The following PLSCR3 variants were observed in gnomAD, a reference collection of about 807,000 sequenced individuals.
PLSCR3 encodes the protein phospholipid scramblase 3, also known as PL scramblase 3.
Under a neutral mutation model 33.7 loss-of-function variants are expected in PLSCR3, and 17 were observed. That is an observed-to-expected ratio of 0.50 (90% CI 0.35 to 0.76). The LOEUF (loss-of-function observed/expected upper bound fraction) is 0.76, where lower values mean the gene tolerates loss of function less well. Among genes scored for constraint, PLSCR3 ranks in the 30% least tolerant of loss-of-function variants. The pLI is 0.01. For missense variants in PLSCR3, 360 were observed against 394.1 expected (o/e 0.91, Z 0.73); for synonymous variants, 166 against 166.0 (o/e 1.00, Z 0.00).
Position 7,393,489 on chromosome 17 carries a change from G to A in PLSCR3, c.264C>T (p.His88=), listed in dbSNP as rs747834729. ...FLVQIDQILI[H]QKAERVETFL... ...TACTTTCCACTCGCTCAGCCTTCTG[G>A]TGAATCAAAATCTGATCAATCTGGA... Residue 88 remains histidine, a synonymous_variant, in exon 4 of 8, where the codon CAC becomes CAT. Transcript: ENST00000619711. The A allele has an allele frequency of 6.2e-7, 1 of 1,614,118 alleles. No individual in the cohort carries two copies. The highest frequency in any genetic ancestry group is 2.2e-5 in the East Asian group (1 of 44,878).
chr17:7,390,550 C>CA (rs1905587735), intron 7 of PLSCR3, 84 bp downstream of exon 7: 1 of 1,582,914 alleles, frequency 6.3e-7, no homozygotes, highest in South Asian at 1.1e-5. Context: ...CTGACTTTCC[C>CA]CTAGCAAGAG....
At chr17:7,393,031 A>G in intron 5 of PLSCR3, 79 bp from the exon 6 acceptor site, 1 of 1,520,362 alleles carries the variant, frequency 6.6e-7, no homozygotes, top group Non-Finnish European at 8.9e-7. Context: ...CCCTCACTAA[A>G]CCTCCCATCC....
Position 7,390,302 on chromosome 17 carries a change from G to A in PLSCR3, c.*83C>T. 1 of 1,103,028 alleles carries A rather than the reference G, an allele frequency of 9.1e-7. No individual in the cohort carries two copies. The highest frequency in any genetic ancestry group is 1.3e-6 in the Non-Finnish European group (1 of 769,650). The allele number at this position is 1,103,028 out of a possible 1,614,324, so 68.3% of individuals were successfully genotyped here. A position where few individuals can be genotyped will look rare whatever the true frequency, so the allele number is the denominator to read the frequency against. On this transcript the variant is annotated 3_prime_UTR_variant, in exon 8 of 8. Transcript: ENST00000619711. ...TCCCCTGCAGTGTACATGGAGGAAA[G>A]GGGCTGCCCAGAGGAGGGGCCAGGG...
chr17:7,393,112 G>GCCCCCCCCCCCCCCCCCCCCCCCCCCC, intron 5 of PLSCR3, 32 bp downstream of exon 5: 1 of 1,256,054 alleles, frequency 8.0e-7, no homozygotes, highest in Non-Finnish European at 1.1e-6. Context: ...CCCCACCAAG[G>GCCCCCCCCCCCCCCCCCCCCCCCCCCC]CCCGCCCTCC....
chr17:7,393,144 C>T lies in PLSCR3; in HGVS notation c.507G>A (p.Glu169=), dbSNP rs1236232600. The change falls in exon 5 of 8, where the codon GAG becomes GAA. Residue 169 remains glutamate, a splice_region_variant and synonymous_variant. Transcript: ENST00000619711. The stretch of plus-strand genomic sequence containing the variant: ...CTCCCGGCCCCCTCCCTCCGCCCAC[C>T]TCCTGGAGGCCACAGGGGCAGCAGC... ...GCSCCPCGLQ[E]MEVQAPPGTT... is the part of the protein sequence containing the mutation. 2 of 1,461,412 alleles carry T rather than the reference C, an allele frequency of 1.4e-6. No homozygotes were observed. The highest frequency in any genetic ancestry group is 9.0e-7 in the Non-Finnish European group (1 of 1,115,726). The allele number at this position is 1,461,412 out of a possible 1,614,324, so 90.5% of individuals were successfully genotyped here.
chr17:7,391,164 C>T lies in PLSCR3; in HGVS notation c.670-369G>A, dbSNP rs79592274. 9.9e-5 allele frequency among the ~76,000 whole-genome samples: 15 copies of T among 152,280 alleles called. No homozygotes were observed. The East Asian group carries it at 2.9e-3, about 29-fold the overall frequency. Reference sequence around the variant, plus strand: ...TAGGTTTGCTCTGGTTCCCAATGCCCCTGCCACCCACAATTGGCACAGCTT... The same window carrying T: ...TAGGTTTGCTCTGGTTCCCAATGCCTCTGCCACCCACAATTGGCACAGCTT... On this transcript the variant is annotated intron_variant, in intron 6 of 7. Transcript: ENST00000619711. This position sits in a 1 kb window ranked among gnomAD's most constrained non-coding sequence, Gnocchi z 4.1.
In PLSCR3 at chr17:7,391,752, TG is replaced by T. The variant is rs1202614331; in HGVS notation, c.670-958del. Among the ~76,000 whole-genome samples the T allele has an allele frequency of 3.3e-5, 5 of 152,230 alleles. No individual in the cohort carries two copies. The highest frequency in any genetic ancestry group is 1.2e-4 in the African/African-American group (5 of 41,528). On this transcript the variant is annotated intron_variant, in intron 6 of 7. Transcript: ENST00000619711. The surrounding 1 kb of genome is among the most constrained non-coding windows in gnomAD (Gnocchi z 4.1). ...TCTTATTCCCAATTGGTTCTCATCATGGAATCTCCCTCTGGCTACCAAGGTG... is the reference window on the plus strand; with the variant it reads ...TCTTATTCCCAATTGGTTCTCATCATGAATCTCCCTCTGGCTACCAAGGTG...
intron 6 of PLSCR3, among the ~76,000 whole-genome samples, chr17:7,392,014 C>A (rs1034232830): frequency 6.6e-6 from 1 of 152,072 alleles, no homozygotes; most frequent in Non-Finnish European, 1.5e-5. Flanking sequence ...GGAGAAACCT[C>A]GTCTCTACTA....
Position 7,394,352 on chromosome 17 carries a change from C to A in PLSCR3, c.-157-85G>T. On this transcript the variant is annotated intron_variant, in intron 1 of 7. Transcript: ENST00000619711. The surrounding 1 kb of genome is among the most constrained non-coding windows in gnomAD (Gnocchi z 5.3). ...TCCCTCGGGGGCCCCAGAACCGCCC[C>A]CTCCCTTTGTTCTCCCATCCTGCGG... The A allele has an allele frequency of 2.0e-6, 1 of 499,910 alleles. No homozygotes were observed. Among genetic ancestry groups the A allele is most frequent in the East Asian group, 3.2e-5 (1 of 31,292 alleles). 31.0% of individuals were successfully genotyped at this position (499,910 alleles called of 1,614,324 possible).
At position 7,390,798 on chromosome 17, in the gene PLSCR3, G is replaced by T; in HGVS notation, c.670-3C>A. 1.9e-6 allele frequency: 3 copies of T among 1,613,892 alleles called. No individual in the cohort carries two copies. The Admixed American group carries it at 5.0e-5, about 27-fold the overall frequency. On this transcript the variant is annotated splice_region_variant and splice_polypyrimidine_tract_variant and intron_variant, in intron 6 of 7. Transcript: ENST00000619711. ...CGGGATTCATCCCGAGTCTTCACCT[G>T]TCATCAGGGAGGGAGAAAGGACCCA... is the stretch of plus-strand genomic sequence containing the variant.
chr17:7,394,119 G>T lies in PLSCR3; in HGVS notation c.-9C>A. On this transcript the variant is annotated 5_prime_UTR_variant, in exon 2 of 8. Coordinates refer to ENST00000619711, the MANE Select transcript of PLSCR3 (RefSeq NM_020360.4). The surrounding 1 kb of genome is among the most constrained non-coding windows in gnomAD (Gnocchi z 5.3). ...GCGCACTTACCTGCCATGGGAGAAG[G>T]GCTGGGGTTTTCGAGATGATGGTGT... is the stretch of plus-strand genomic sequence containing the variant. 2 of 1,613,448 alleles carry T rather than the reference G, an allele frequency of 1.2e-6. No homozygotes were observed.
chr17:7,392,391 T>G (rs1158789003), intron 6 of PLSCR3, among the ~76,000 whole-genome samples: 1 of 152,166 alleles, frequency 6.6e-6, no homozygotes, highest in African/African-American at 2.4e-5. Flanking sequence ...TGGATTCTAT[T>G]TTAGCAGGGC....
chr17:7,394,147 G>A lies in PLSCR3; in HGVS notation c.-37C>T. The A allele has an allele frequency of 6.2e-7, 1 of 1,609,626 alleles. No homozygotes were observed. The highest frequency in any genetic ancestry group is 8.5e-7 in the Non-Finnish European group (1 of 1,176,868). On this transcript the variant is annotated 5_prime_UTR_variant, in exon 2 of 8. Transcript: ENST00000619711. The surrounding 1 kb of genome is among the most constrained non-coding windows in gnomAD (Gnocchi z 5.3). ...TGGGGTTTTCGAGATGATGGTGTCT[G>A]GGTGGCTTAGTTCTGGAAGCGGAGG...
chr17:7,393,225 G>C lies in PLSCR3; in HGVS notation c.426C>G (p.Ala142=). Residue 142 remains alanine, a synonymous_variant, in exon 5 of 8, where the codon GCC becomes GCG. Transcript: ENST00000619711. ...GARRPLRVRL[A]DPGDREVLRL... is the part of the protein sequence containing the mutation. ...GCAGCACCTCACGGTCCCCGGGGTC[G>C]GCCAGGCGGACACGCAGCGGCCGGC... 4 of 1,577,560 alleles carry C rather than the reference G, an allele frequency of 2.5e-6. No individual in the cohort carries two copies. The South Asian group carries it at 4.5e-5, about 18-fold the overall frequency.
At chr17:7,392,723 C>G (rs1905811481) in intron 6 of PLSCR3, 68 bp downstream of exon 6, 1 of 1,464,062 alleles carries the variant, frequency 6.8e-7, no homozygotes. Context: ...TTAATGTTAA[C>G]TATCCTGCCT....
Position 7,394,041 on chromosome 17 carries a change from T to C in PLSCR3, c.7+63A>G. The C allele has an allele frequency of 6.3e-7, 1 of 1,587,470 alleles. No individual in the cohort carries two copies. The highest frequency in any genetic ancestry group is 1.1e-5 in the South Asian group (1 of 89,002). ...CCGAGCACATTCCGGGAGGATGTGT[T>C]CAAACCCGGCTCCCAAGTCCGTGGG... On this transcript the variant is annotated intron_variant, in intron 2 of 7. Transcript: ENST00000619711. This position sits in a 1 kb window ranked among gnomAD's most constrained non-coding sequence, Gnocchi z 5.3.
rs1905891388 is a variant in PLSCR3 at position 7,393,320 on chromosome 17, C to G, written c.331G>C (p.Gly111Arg). 6.2e-7 allele frequency: 1 copy of G among 1,611,992 alleles called. No homozygotes were observed. The highest frequency in any genetic ancestry group is 1.3e-5 in the African/African-American group (1 of 74,926). The change falls in exon 5 of 8, where the codon GGG becomes CGG. Residue 111 changes from glycine (G) to arginine (R), a missense_variant. Coordinates refer to ENST00000619711, the MANE Select transcript of PLSCR3 (RefSeq NM_020360.4). ...GCCTGACCCAGGGGCTGCCCGGCCC[C>G]AGAGCGCAGTTCATACCGATTACAG... Reference protein sequence around the residue: ...ETCNRYELRSGAGQPLGQAAE... With the variant: ...ETCNRYELRSRAGQPLGQAAE...
At chr17:7,393,110 A>AT in intron 5 of PLSCR3, 34 bp downstream of exon 5, 2 of 1,336,766 alleles carry the variant, frequency 1.5e-6, no homozygotes, top group Non-Finnish European at 2.0e-6. Context: ...CGCCCCACCA[A>AT]GGCCCGCCCT....
Position 7,393,768 on chromosome 17 carries a change from C to A in PLSCR3, c.76G>T (p.Glu26Ter), listed in dbSNP as rs948934055. 6.6e-7 allele frequency: 1 copy of A among 1,508,332 alleles called. No homozygotes were observed. The highest frequency in any genetic ancestry group is 8.8e-7 in the Non-Finnish European group (1 of 1,140,564). 93.4% of individuals were successfully genotyped at this position (1,508,332 alleles called of 1,614,324 possible). A position where few individuals can be genotyped will look rare whatever the true frequency, so the allele number is the denominator to read the frequency against. ...CCGGGCCCAGGATGTAGCGCCGGCTCCGGGTACCCAGGGGTGACAGGGTAG... is the reference window on the plus strand; with the variant it reads ...CCGGGCCCAGGATGTAGCGCCGGCTACGGGTACCCAGGGGTGACAGGGTAG... The part of the protein sequence containing the change: ...PPYPVTPGYP[E>*]PALHPGPGQA... Residue 26 changes from glutamate to a stop codon, truncating the protein, a stop_gained, in exon 3 of 8, where the codon GAG becomes TAG. Coordinates refer to ENST00000619711, the MANE Select transcript of PLSCR3 (RefSeq NM_020360.4). LOFTEE classifies it high-confidence loss of function.
Sources: allele counts gnomAD v4.1 joint callset (sites outside exome capture counted in the v4.1 genomes callset), GRCh38; gene constraint gnomAD v4.1.1; non-coding constraint Gnocchi (gnomAD v3.1); transcripts MANE v1.5; gene names NCBI Gene and HGNC (gene_info 2026-07-23, HGNC 2026-07-21).